BICRA: variants seen among roughly 807,000 people sequenced by gnomAD.
BICRA encodes the protein BRD4 interacting chromatin remodeling complex associated protein, also known as BRD4-interacting chromatin-remodeling complex-associated protein.
A neutral mutation model predicts 96.9 loss-of-function variants in BICRA; 31 were observed. The ratio of observed to expected loss-of-function variants is 0.32; its 90% CI spans 0.24 to 0.43. The LOEUF is 0.43. Ranked by LOEUF, BICRA falls within the 20% of genes least tolerant of loss-of-function variation. The probability of loss-of-function intolerance (pLI) is 1.00; values close to 1 mark genes in which losing one functional copy is unlikely to be tolerated. For missense variants in BICRA, 2,283 were observed against 2,190.3 expected (o/e 1.04, Z -0.84); for synonymous variants, 1,350 against 1,071.8 (o/e 1.26, Z -5.07).
intron 1 of BICRA, among the ~76,000 whole-genome samples, chr19:47,650,801 CT>C (rs1972529014): frequency 6.6e-6 from 1 of 152,084 alleles, no homozygotes; most frequent in African/African-American, 2.4e-5. Context: ...ATGGGCTTCA[CT>C]GAAGAGGGCA....
rs1380751074 is a variant in BICRA, at chr19:47,694,743, A to G, written c.2895+17A>G. The G allele has an allele frequency of 5.4e-6, 7 of 1,297,994 alleles. No individual in the cohort carries two copies. The highest frequency in any genetic ancestry group is 7.6e-6 in the Non-Finnish European group (7 of 921,252). The allele number at this position is 1,297,994 out of a possible 1,614,324, so 80.4% of individuals were successfully genotyped here. On this transcript the variant is annotated intron_variant, in intron 8 of 14. Transcript: ENST00000594866. ...TTTCACCAGGTAACGGGAGGCAGGG[A>G]CTGCCCGCCCCATCAGCCCCATCCC... is the stretch of plus-strand genomic sequence containing the variant.
intron 1 of BICRA, among the ~76,000 whole-genome samples, chr19:47,633,623 G>T (rs56257442): frequency 0.29 from 43,885 of 152,042 alleles, 6,527 homozygotes; most frequent in Non-Finnish European, 0.32. Context: ...GAGTAGAGAT[G>T]GGAAGCCAGG....
At position 47,680,394 on chromosome 19, in the gene BICRA, C is replaced by G; in HGVS notation, c.1224C>G (p.Asn408Lys). ...TFMAAGKAGQ[N>K]VVLSGFPAPA... ...TGGCGGCGGGGAAGGCGGGCCAGAA[C>G]GTGGTGCTGTCGGGCTTCCCCGCGC... Residue 408 changes from asparagine (N) to lysine (K), a missense_variant, in exon 6 of 15, where the codon AAC (asparagine) becomes AAG (lysine). Transcript: ENST00000594866. 1 of 1,533,818 alleles carries G rather than the reference C, an allele frequency of 6.5e-7. No homozygotes were observed. Among genetic ancestry groups the G allele is most frequent in the South Asian group, 1.2e-5 (1 of 83,832 alleles).
At position 47,673,723 on chromosome 19, in the gene BICRA, C is replaced by T. The variant is rs770210656; in HGVS notation, c.45C>T (p.Asp15=). Reference sequence around the variant, plus strand: ...GTCTCTTCCTCTTCTCTTCCAGTGACCCACAGGCCCTCAATGACTTCTTGC... The same window carrying T: ...GTCTCTTCCTCTTCTCTTCCAGTGATCCACAGGCCCTCAATGACTTCTTGC... ...DGRCLLDVIC[D]PQALNDFLHG... The change falls in exon 4 of 15, where the codon GAC becomes GAT. Residue 15 remains aspartate (D), a synonymous_variant. Transcript: ENST00000594866. 3 of 1,612,026 alleles carry T rather than the reference C, an allele frequency of 1.9e-6. No homozygotes were observed. Among genetic ancestry groups the T allele is most frequent in the Admixed American group, 3.3e-5 (2 of 59,956 alleles).
At chr19:47,690,863 T>G (rs1973231747) in intron 7 of BICRA, among the ~76,000 whole-genome samples, 1 of 152,194 alleles carries the variant, frequency 6.6e-6, no homozygotes, top group Admixed American at 6.5e-5. Context: ...TTTTGGTATC[T>G]TTAAGCTTTT....
chr19:47,680,306 C>T lies in BICRA; in HGVS notation c.1136C>T (p.Thr379Ile), dbSNP rs1456973962. The T allele has an allele frequency of 6.5e-7, 1 of 1,549,404 alleles. No individual in the cohort carries two copies. The highest frequency in any genetic ancestry group is 1.9e-5 in the Admixed American group (1 of 52,678). The change falls in exon 6 of 15, where the codon ACC becomes ATC. Residue 379 changes from threonine to isoleucine, a missense_variant. Thr to Ile is a moderately conservative substitution (Grantham distance 89). Transcript: ENST00000594866. ...KPFAPAGATLTIQGEPGALPQ... is the reference protein window; with the variant it reads ...KPFAPAGATLIIQGEPGALPQ... Reference sequence around the variant, plus strand: ...TTTGCGCCCGCGGGCGCCACGCTCACCATCCAGGGCGAGCCGGGGGCGCTC... The same window carrying T: ...TTTGCGCCCGCGGGCGCCACGCTCATCATCCAGGGCGAGCCGGGGGCGCTC...
intron 1 of BICRA, among the ~76,000 whole-genome samples, chr19:47,651,678 A>G (rs981277096): frequency 3.3e-5 from 5 of 152,314 alleles, no homozygotes; most frequent in African/African-American, 2.4e-5. Context: ...CTTAAATAAA[A>G]TAGGTCGCTC....
rs73940897 is a variant in BICRA at position 47,612,798 on chromosome 19, G to A, written c.-108+3630G>A. The stretch of plus-strand genomic sequence containing the variant: ...CAGACGGCAGAGACTAGTGGTGGGG[G>A]TTCCGTATTTGTCAACAGAACTGGG... On this transcript the variant is annotated intron_variant, in intron 1 of 14. Transcript: ENST00000594866. 7.1e-3 allele frequency among the ~76,000 whole-genome samples: 1,077 copies of A among 152,276 alleles called. 23 individuals carry two copies. Among genetic ancestry groups the A allele is most frequent in the African/African-American group, 0.024 (1,006 of 41,558 alleles).
At chr19:47,646,163 G>A (rs534718391) in intron 1 of BICRA, among the ~76,000 whole-genome samples, 1 of 152,220 alleles carries the variant, frequency 6.6e-6, no homozygotes, top group Admixed American at 6.5e-5. Context: ...CCAGGGAGGT[G>A]CATTTTGGGA....
At chr19:47,652,308 C>A (rs1972552131) in intron 1 of BICRA, among the ~76,000 whole-genome samples, 2 of 152,138 alleles carry the variant, frequency 1.3e-5, no homozygotes. Flanking sequence ...ACCTCAGCCT[C>A]CTGAGTAGTT....
rs767306663 is a variant in BICRA, at chr19:47,680,605, G to C, written c.1435G>C (p.Ala479Pro). 1.2e-5 allele frequency: 19 copies of C among 1,608,816 alleles called. No individual in the cohort carries two copies. In the African/African-American group the frequency reaches 2.0e-4, roughly 17 times the overall value. ...QNQFLLPGAPAVQLPQQLSAL... is the reference protein window; with the variant it reads ...QNQFLLPGAPPVQLPQQLSAL... Reference sequence around the variant, plus strand: ...CCAGTTCCTACTGCCTGGCGCCCCGGCGGTCCAGCTCCCGCAGCAGCTCTC... The same window carrying C: ...CCAGTTCCTACTGCCTGGCGCCCCGCCGGTCCAGCTCCCGCAGCAGCTCTC... The change falls in exon 6 of 15, where the codon GCG becomes CCG. Residue 479 changes from alanine to proline, a missense_variant. Coordinates refer to ENST00000594866, the MANE Select transcript of BICRA (RefSeq NM_001394372.1).
At chr19:47,671,011 CG>C (rs1041708452) in intron 2 of BICRA, among the ~76,000 whole-genome samples, 1 of 152,152 alleles carries the variant, frequency 6.6e-6, no homozygotes, top group Non-Finnish European at 1.5e-5. Flanking sequence ...GAGTAATTGG[CG>C]TGTGGGGCTC....
chr19:47,640,434 G>A (rs976837994), intron 1 of BICRA, among the ~76,000 whole-genome samples: 1 of 151,942 alleles, frequency 6.6e-6, no homozygotes, highest in Non-Finnish European at 1.5e-5. Context: ...GGAGGCTGAG[G>A]CAGGAGAATC....
Position 47,699,138 on chromosome 19 carries a change from A to G in BICRA, c.3492+79A>G, listed in dbSNP as rs1973399330. The stretch of plus-strand genomic sequence containing the variant: ...CCCCTTTCCCTCACCCGCTCTGGGC[A>G]AGGTGGAGCCTCCCGCCCCTCCTAG... On this transcript the variant is annotated intron_variant, in intron 13 of 14. Transcript: ENST00000594866. The surrounding 1 kb of genome is among the most constrained non-coding windows in gnomAD (Gnocchi z 5.0). 3.6e-6 allele frequency: 4 copies of G among 1,102,878 alleles called. No homozygotes were observed. Among genetic ancestry groups the G allele is most frequent in the Non-Finnish European group, 5.4e-6 (4 of 743,130 alleles). 68.3% of individuals were successfully genotyped at this position (1,102,878 alleles called of 1,614,324 possible). A position where few individuals can be genotyped will look rare whatever the true frequency, so the allele number is the denominator to read the frequency against.
Position 47,675,771 on chromosome 19 carries a change from G to A in BICRA, c.85-80G>A, listed in dbSNP as rs1348861545. On this transcript the variant is annotated intron_variant, in intron 4 of 14. Coordinates refer to ENST00000594866, the MANE Select transcript of BICRA (RefSeq NM_001394372.1). This position sits in a 1 kb window ranked among gnomAD's most constrained non-coding sequence, Gnocchi z 4.7. ...CAACCCTTGTCTTTTTGTCCTGAGT[G>A]ACCCTAAATTGGTTTCTGCTCCAGA... 4 of 1,046,204 alleles carry A rather than the reference G, an allele frequency of 3.8e-6. No individual in the cohort carries two copies. Among genetic ancestry groups the A allele is most frequent in the Non-Finnish European group, 5.9e-6 (4 of 683,176 alleles). 64.8% of individuals were successfully genotyped at this position (1,046,204 alleles called of 1,614,324 possible).
At chr19:47,629,364 A>G (rs1019660188) in intron 1 of BICRA, among the ~76,000 whole-genome samples, 2 of 152,334 alleles carry the variant, frequency 1.3e-5, no homozygotes, top group East Asian at 1.9e-4. Flanking sequence ...AGTAGCCTCC[A>G]TTCAACTTTC....
intron 7 of BICRA, among the ~76,000 whole-genome samples, chr19:47,682,538 G>A (rs1182724520): frequency 6.6e-6 from 1 of 152,172 alleles, no homozygotes; most frequent in East Asian, 1.9e-4. Flanking sequence ...TCTTGCATTT[G>A]TTATCTGGAT....
chr19:47,698,427 A>G lies in BICRA; in HGVS notation c.3249-207A>G, dbSNP rs113913996. 4.5e-4 allele frequency among the ~76,000 whole-genome samples: 68 copies of G among 152,272 alleles called. No individual in the cohort carries two copies. The highest frequency in any genetic ancestry group is 1.6e-3 in the African/African-American group (67 of 41,556). Reference sequence around the variant, plus strand: ...CCTTCCCTTTCTGTAAAATGGGGATAGCGATAGCACTGCTTTGGTCGGCCC... The same window carrying G: ...CCTTCCCTTTCTGTAAAATGGGGATGGCGATAGCACTGCTTTGGTCGGCCC... On this transcript the variant is annotated intron_variant, in intron 11 of 14. Transcript: ENST00000594866. This position sits in a 1 kb window ranked among gnomAD's most constrained non-coding sequence, Gnocchi z 4.8.
In BICRA at chr19:47,702,171, C is replaced by CCGA. The variant is rs1159763062; in HGVS notation, c.4442_4444dup (p.Asp1481dup). 1.3e-6 allele frequency: 2 copies of CCGA among 1,576,894 alleles called. No homozygotes were observed. Among genetic ancestry groups the CCGA allele is most frequent in the South Asian group, 2.3e-5 (2 of 87,440 alleles). ...GCCAAGCGGCGCAAGTCCGAGTCGC[C>CCGA]CGACGTGGACCAGGCCAGCTTCTCC... On this transcript the variant is annotated inframe_insertion, in exon 15 of 15. Coordinates refer to ENST00000594866, the MANE Select transcript of BICRA (RefSeq NM_001394372.1).
Sources: gnomAD v4.1 joint callset for allele counts (sites outside exome capture counted in the v4.1 genomes callset) on GRCh38, gnomAD v4.1.1 for gene constraint, Gnocchi (gnomAD v3.1) non-coding constraint, MANE v1.5 for transcripts, NCBI Gene and HGNC (gene_info 2026-07-23, HGNC 2026-07-21) for gene names.